Variants in ANKS1B observed in about 807,000 individuals in gnomAD.
ANKS1B encodes the protein ankyrin repeat and sterile alpha motif domain containing 1B.
In ANKS1B, 36 loss-of-function variants were observed where a neutral mutation model predicts 148.3. The ratio of observed to expected loss-of-function variants is 0.24; its 90% CI spans 0.19 to 0.32. ANKS1B has a LOEUF of 0.32. Among genes scored for constraint, ANKS1B ranks in the 10% least tolerant of loss-of-function variants. The pLI is 1.00. For missense variants in ANKS1B, 1,157 were observed against 1,542.6 expected, an observed-to-expected ratio of 0.75 and a Z score of 4.19; for synonymous variants, 542 against 560.8, an observed-to-expected ratio of 0.97 and a Z score of 0.47.
chr12:99,325,427 G>A (rs2152218785), intron 12 of ANKS1B, among the ~76,000 whole-genome samples: 1 of 152,244 alleles, frequency 6.6e-6, no homozygotes, highest in Non-Finnish European at 1.5e-5. Context: ...TTAAAAAGGA[G>A]TGAGAAGATA....
chr12:98,946,788 A>G (rs184490272), intron 17 of ANKS1B, among the ~76,000 whole-genome samples: 4 of 151,888 alleles, frequency 2.6e-5, no homozygotes, highest in African/African-American at 9.7e-5. Flanking sequence ...AAAGCAAAAA[A>G]GAAAGTACAG....
intron 8 of ANKS1B, among the ~76,000 whole-genome samples, chr12:99,745,811 ATAAT>A (rs1017655106): frequency 1.3e-5 from 2 of 152,066 alleles, no homozygotes; most frequent in African/African-American, 4.8e-5. Context: ...TTTCATATTA[ATAAT>A]TATACTTCAA....
intron 17 of ANKS1B, among the ~76,000 whole-genome samples, chr12:98,971,508 C>T (rs17028943): frequency 0.18 from 27,539 of 152,066 alleles, 2,675 homozygotes; most frequent in African/African-American, 0.23. Flanking sequence ...TGGGTGAAGA[C>T]GGCATAATCT....
chr12:99,671,140 C>G (rs192057589), intron 8 of ANKS1B, among the ~76,000 whole-genome samples: 1 of 152,234 alleles, frequency 6.6e-6, no homozygotes, highest in Admixed American at 6.5e-5. Flanking sequence ...TGAAGTATAT[C>G]TTATCTCTGT....
chr12:99,928,271 ATTT>A (rs763106581), intron 1 of ANKS1B, among the ~76,000 whole-genome samples: 1 of 99,068 alleles, frequency 1.0e-5, no homozygotes, highest in Admixed American at 8.9e-5. Context: ...ATTTTATTTT[ATTT>A]TTTTTTTTTT....
intron 17 of ANKS1B, among the ~76,000 whole-genome samples, chr12:99,032,235 C>T (rs891419477): frequency 1.3e-5 from 2 of 152,188 alleles, no homozygotes; most frequent in African/African-American, 4.8e-5. Context: ...GATATCACAG[C>T]TTCTGTTACA....
At chr12:99,248,477 T>G (rs996783108) in intron 12 of ANKS1B, among the ~76,000 whole-genome samples, 6 of 152,208 alleles carry the variant, frequency 3.9e-5, no homozygotes, top group African/African-American at 1.2e-4. Context: ...TCTACTACTA[T>G]TATACTCACT....
intron 9 of ANKS1B, among the ~76,000 whole-genome samples, chr12:99,506,751 T>G (rs575502603): frequency 6.6e-6 from 1 of 152,066 alleles, no homozygotes; most frequent in East Asian, 1.9e-4. Context: ...CAAAAAATAA[T>G]TTTCTATGAA....
chr12:99,949,495 T>C (rs2095158361), intron 1 of ANKS1B, among the ~76,000 whole-genome samples: 1 of 152,114 alleles, frequency 6.6e-6, no homozygotes, highest in Non-Finnish European at 1.5e-5. Flanking sequence ...TTGGGGTTAA[T>C]AAGTTACTGT....
At chr12:99,608,506 T>C (rs1302765212) in intron 9 of ANKS1B, among the ~76,000 whole-genome samples, 1 of 152,128 alleles carries the variant, frequency 6.6e-6, no homozygotes. Context: ...CAGCAACCGC[T>C]GTCTGTTGTA....
At chr12:99,482,903 CTT>C (rs1303104405) in intron 10 of ANKS1B, among the ~76,000 whole-genome samples, 1 of 151,912 alleles carries the variant, frequency 6.6e-6, no homozygotes, top group African/African-American at 2.4e-5. Context: ...ATCCAGGAGT[CTT>C]TTGGAGAGTT....
intron 12 of ANKS1B, among the ~76,000 whole-genome samples, chr12:99,325,262 C>T (rs1324285894): frequency 6.6e-6 from 1 of 152,110 alleles, no homozygotes; most frequent in Non-Finnish European, 1.5e-5. Context: ...GCCCCTATCA[C>T]AGCAACATGA....
At chr12:99,814,197 A>G (rs1602723739) in intron 2 of ANKS1B, among the ~76,000 whole-genome samples, 1 of 151,770 alleles carries the variant, frequency 6.6e-6, no homozygotes. Context: ...TGATGAAATC[A>G]CGTAATTAGA....
chr12:99,613,884 GA>G (rs369852573), intron 9 of ANKS1B, among the ~76,000 whole-genome samples: 5 of 146,014 alleles, frequency 3.4e-5, no homozygotes, highest in African/African-American at 5.0e-5. Flanking sequence ...TATATGCATG[GA>G]AAAAAAAAAG....
At chr12:99,729,614 G>C (rs563176258) in intron 8 of ANKS1B, among the ~76,000 whole-genome samples, 1 of 151,836 alleles carries the variant, frequency 6.6e-6, no homozygotes, top group South Asian at 2.1e-4. Context: ...CTACTTTCTA[G>C]TCATTTTCTG....
intron 1 of ANKS1B, among the ~76,000 whole-genome samples, chr12:99,940,695 T>C (rs1461669746): frequency 1.3e-5 from 2 of 152,172 alleles, no homozygotes; most frequent in Non-Finnish European, 2.9e-5. Context: ...TTGAAAGTGA[T>C]TCAAATTCCA....
At chr12:99,428,440 A>G (rs999767137) in intron 11 of ANKS1B, among the ~76,000 whole-genome samples, 1 of 152,208 alleles carries the variant, frequency 6.6e-6, no homozygotes, top group Non-Finnish European at 1.5e-5. Context: ...GACCTGATAT[A>G]ATAACAAAAT....
intron 19 of ANKS1B, among the ~76,000 whole-genome samples, chr12:98,828,119 T>C (rs1015431261): frequency 2.6e-5 from 4 of 152,158 alleles, no homozygotes; most frequent in Admixed American, 6.6e-5. Context: ...AACATTGCCA[T>C]TGCCTGCACA....
intron 1 of ANKS1B, among the ~76,000 whole-genome samples, chr12:99,858,872 G>A (rs775591958): frequency 5.3e-5 from 8 of 152,210 alleles, no homozygotes; most frequent in East Asian, 3.9e-4. Context: ...TTGGGAACTC[G>A]GGGAAAGAGG....
Sources: gnomAD v4.1 joint callset for allele counts (sites outside exome capture counted in the v4.1 genomes callset) on GRCh38, gnomAD v4.1.1 for gene constraint, MANE v1.5 for transcripts, NCBI Gene and HGNC (gene_info 2026-07-23, HGNC 2026-07-21) for gene names.